FAM83D: variants seen among roughly 807,000 people sequenced by gnomAD.
FAM83D encodes the protein protein FAM83D.
FAM83D carries 26 observed loss-of-function variants against 25.4 expected under a neutral mutation model. The observed-to-expected ratio is 1.02, with a 90% CI of 0.75 to 1.42. The LOEUF (loss-of-function observed/expected upper bound fraction) is 1.42, where lower values mean the gene tolerates loss of function less well. FAM83D is among the 40% of genes most tolerant of loss of function. FAM83D has a pLI of 0.00. For missense variants in FAM83D, 740 were observed against 758.1 expected (o/e 0.98, Z 0.28); for synonymous variants, 310 against 318.5 (o/e 0.97, Z 0.28).
chr20:38,934,047 G>C (rs561106857), intron 1 of FAM83D, among the ~76,000 whole-genome samples: 57 of 152,034 alleles, frequency 3.7e-4, no homozygotes, highest in Middle Eastern at 3.4e-3. Flanking sequence ...GTAGAAACAG[G>C]GTTTCACCAT....
intron 3 of FAM83D, among the ~76,000 whole-genome samples, chr20:38,949,211 G>A (rs1568700320): frequency 6.6e-6 from 1 of 151,080 alleles, no homozygotes; most frequent in Admixed American, 6.6e-5. Flanking sequence ...GCTCAGGCTG[G>A]AGTGCAGTGG....
chr20:38,952,113 C>T lies in FAM83D; in HGVS notation c.1351C>T (p.Leu451Phe). Residue 451 changes from leucine (L) to phenylalanine (F), a missense_variant, in exon 4 of 4, where the codon CTC (leucine) becomes TTC (phenylalanine). By Grantham distance (22) the Leu-to-Phe change is conservative. This residue lies in a region of FAM83D where 375 missense variants were observed against 403.2 expected (regional missense o/e 0.93). Transcript: ENST00000619850. ...TCAGACTGACATGGATGAGAACATTCTCTTTCCTCGAGGAACTCAATCTAC... is the reference window on the plus strand; with the variant it reads ...TCAGACTGACATGGATGAGAACATTTTCTTTCCTCGAGGAACTCAATCTAC... The part of the protein sequence containing the change: ...TTQTDMDENI[L>F]FPRGTQSTEG... 1.2e-6 allele frequency: 2 copies of T among 1,614,234 alleles called. No individual in the cohort carries two copies. The highest frequency in any genetic ancestry group is 1.3e-5 in the African/African-American group (1 of 75,060).
intron 3 of FAM83D, among the ~76,000 whole-genome samples, chr20:38,948,694 A>T (rs1255465198): frequency 6.6e-6 from 1 of 152,214 alleles, no homozygotes; most frequent in Non-Finnish European, 1.5e-5. Context: ...GGTTTGCATG[A>T]GGTGTGTCTG....
rs746291763 is a variant in FAM83D at position 38,951,805 on chromosome 20, C to A, written c.1043C>A (p.Pro348Gln). The A allele has an allele frequency of 5.6e-6, 9 of 1,614,056 alleles. No homozygotes were observed. Among genetic ancestry groups the A allele is most frequent in the Non-Finnish European group, 6.8e-6 (8 of 1,180,042 alleles). ...ACTCCCAGGAAGGCGGACCTGGACCCAGAGATGCCCGCAGAGGGCAAGGCA... is the reference window on the plus strand; with the variant it reads ...ACTCCCAGGAAGGCGGACCTGGACCAAGAGATGCCCGCAGAGGGCAAGGCA... The part of the protein sequence containing the change: ...SSTPRKADLD[P>Q]EMPAEGKAER... Residue 348 changes from proline to glutamine, a missense_variant, in exon 4 of 4, where the codon CCA (proline) becomes CAA (glutamine). Transcript: ENST00000619850.
intron 3 of FAM83D, among the ~76,000 whole-genome samples, chr20:38,949,853 G>A (rs1334243765): frequency 6.6e-6 from 1 of 152,158 alleles, no homozygotes; most frequent in Non-Finnish European, 1.5e-5. Context: ...GAGACAAAGA[G>A]TCTTGCCCAG....
chr20:38,929,307 C>A (rs767732099), intron 1 of FAM83D, among the ~76,000 whole-genome samples: 1 of 152,176 alleles, frequency 6.6e-6, no homozygotes, highest in African/African-American at 2.4e-5. Context: ...AAGGCATCAT[C>A]CTTGCCAACA....
In FAM83D at chr20:38,941,216, G is replaced by C. The variant is rs1425374621; in HGVS notation, c.484-743G>C. ...AACTGCAGAGAGAACCTTTTACTGAGGAGAGGCCAGTGCAGTGGAAGTCAT... is the reference window on the plus strand; with the variant it reads ...AACTGCAGAGAGAACCTTTTACTGACGAGAGGCCAGTGCAGTGGAAGTCAT... On this transcript the variant is annotated intron_variant, in intron 1 of 3. Transcript: ENST00000619850. 4.6e-5 allele frequency among the ~76,000 whole-genome samples: 7 copies of C among 152,184 alleles called. No individual in the cohort carries two copies. The East Asian group carries it at 1.3e-3, about 29-fold the overall frequency.
intron 1 of FAM83D, among the ~76,000 whole-genome samples, chr20:38,931,392 G>A (rs889686744): frequency 6.6e-6 from 1 of 152,208 alleles, no homozygotes; most frequent in Non-Finnish European, 1.5e-5. Flanking sequence ...ACTAGAGTGT[G>A]TTTTCCTCTC....
intron 1 of FAM83D, among the ~76,000 whole-genome samples, chr20:38,941,110 G>T: frequency 6.6e-6 from 1 of 152,222 alleles, no homozygotes; most frequent in East Asian, 1.9e-4. Context: ...AGAAAGGCCT[G>T]TTCTGAGCTT....
intron 2 of FAM83D, among the ~76,000 whole-genome samples, chr20:38,945,589 C>T (rs1346904657): frequency 3.9e-5 from 6 of 152,098 alleles, no homozygotes; most frequent in Non-Finnish European, 7.4e-5. Flanking sequence ...ATTTCCCGGT[C>T]GTTCCACTAA....
chr20:38,940,582 G>T (rs910124261), intron 1 of FAM83D, among the ~76,000 whole-genome samples: 1 of 152,178 alleles, frequency 6.6e-6, no homozygotes, highest in Non-Finnish European at 1.5e-5. Flanking sequence ...GAAATGGGGA[G>T]GAAGGAGAAA....
At chr20:38,932,592 C>T (rs2085662942) in intron 1 of FAM83D, among the ~76,000 whole-genome samples, 1 of 152,220 alleles carries the variant, frequency 6.6e-6, no homozygotes, top group African/African-American at 2.4e-5. Flanking sequence ...TAGATCCACC[C>T]CTCCACCACT....
intron 1 of FAM83D, among the ~76,000 whole-genome samples, chr20:38,928,638 A>G (rs2085646437): frequency 6.6e-6 from 1 of 152,144 alleles, no homozygotes; most frequent in African/African-American, 2.4e-5. Context: ...CCCAGCCCCA[A>G]ATTTTAGTGA....
At chr20:38,927,941 T>C (rs1435056231) in intron 1 of FAM83D, among the ~76,000 whole-genome samples, 1 of 152,160 alleles carries the variant, frequency 6.6e-6, no homozygotes, top group Admixed American at 6.5e-5. Context: ...GTATTCATAG[T>C]GGGTTTTGGT....
In FAM83D at chr20:38,952,279, G is replaced by A; in HGVS notation, c.1517G>A (p.Gly506Asp). 1 of 1,614,092 alleles carries A rather than the reference G, an allele frequency of 6.2e-7. No homozygotes were observed. Among genetic ancestry groups the A allele is most frequent in the African/African-American group, 1.3e-5 (1 of 75,046 alleles). ...AGAACCACTGACTTCCACAATCCTG[G>A]CTATCCCAAGTACCTGGGCACCCCC... ...SIRTTDFHNP[G>D]YPKYLGTPHL... The change falls in exon 4 of 4, where the codon GGC (glycine) becomes GAC (aspartate). Residue 506 changes from glycine to aspartate, a missense_variant. This residue lies in a region of FAM83D where 375 missense variants were observed against 403.2 expected (regional missense o/e 0.93). Transcript: ENST00000619850.
chr20:38,926,800 T>C lies in FAM83D; in HGVS notation c.358T>C (p.Phe120Leu). 6.5e-7 allele frequency: 1 copy of C among 1,543,214 alleles called. No individual in the cohort carries two copies. The highest frequency in any genetic ancestry group is 8.7e-7 in the Non-Finnish European group (1 of 1,150,352). Reference protein sequence around the residue: ...PPLLELGWPAFYQGAYRGATR... With the variant: ...PPLLELGWPALYQGAYRGATR... Reference sequence around the variant, plus strand: ...GCTGTTGGAGCTTGGCTGGCCCGCCTTCTACCAGGGCGCCTACCGCGGCGC... The same window carrying C: ...GCTGTTGGAGCTTGGCTGGCCCGCCCTCTACCAGGGCGCCTACCGCGGCGC... Residue 120 changes from phenylalanine to leucine, a missense_variant, in exon 1 of 4, where the codon TTC (phenylalanine) becomes CTC (leucine). Coordinates refer to ENST00000619850, the MANE Select transcript of FAM83D (RefSeq NM_030919.3).
At position 38,953,064 on chromosome 20, in the gene FAM83D, C is replaced by T. The variant is rs41276986; in HGVS notation, c.*544C>T. 20,040 of 153,504 alleles carry T rather than the reference C, an allele frequency of 0.13. 1,391 individuals are homozygous for T. Among genetic ancestry groups the T allele is most frequent in the Middle Eastern group, 0.19 (56 of 294 alleles). The allele number at this position is 153,504 out of a possible 1,614,324, so 9.5% of individuals were successfully genotyped here. A position where few individuals can be genotyped will look rare whatever the true frequency, so the allele number is the denominator to read the frequency against. ...CTTTCTGTTTATCTCTTTAGAATAT[C>T]TGTGTTCTTAGCATTAAATAAATAT... is the stretch of plus-strand genomic sequence containing the variant. On this transcript the variant is annotated 3_prime_UTR_variant, in exon 4 of 4. Transcript: ENST00000619850.
At chr20:38,934,871 A>G (rs187777671) in intron 1 of FAM83D, among the ~76,000 whole-genome samples, 11 of 152,336 alleles carry the variant, frequency 7.2e-5, no homozygotes, top group East Asian at 5.8e-4. Context: ...TAAAATTTAT[A>G]TGGATTAAAA....
At chr20:38,947,305 A>G (rs979335164) in intron 2 of FAM83D, among the ~76,000 whole-genome samples, 3 of 152,202 alleles carry the variant, frequency 2.0e-5, no homozygotes, top group African/African-American at 7.2e-5. Context: ...GTTAAGCCAC[A>G]TGTGATATGA....
Sources: gnomAD v4.1 joint callset for allele counts (sites outside exome capture counted in the v4.1 genomes callset) on GRCh38, gnomAD v4.1.1 for gene constraint, gnomAD v4.1.1 regional missense constraint, MANE v1.5 for transcripts, NCBI Gene and HGNC (gene_info 2026-07-23, HGNC 2026-07-21) for gene names.